The following ASIC1 variants were observed in gnomAD, a reference collection of about 807,000 sequenced individuals.
ASIC1 encodes the protein acid-sensing ion channel 1.
ASIC1 carries 21 observed loss-of-function variants against 63.4 expected under a neutral mutation model. The observed-to-expected ratio is 0.33, with a 90% CI of 0.23 to 0.48. The LOEUF is 0.48. ASIC1 is among the 20% of genes least tolerant of loss of function. The pLI, the probability that ASIC1 is intolerant of heterozygous loss-of-function variation, is 0.99. For synonymous variants in ASIC1, 258 were observed against 278.2 expected (o/e 0.93, Z 0.72); for missense variants, 478 against 695.5 (o/e 0.69, Z 3.52).
chr12:50,059,833 G>C lies in ASIC1; in HGVS notation c.437G>C (p.Ser146Thr), dbSNP rs752727617. ...EILQDKANFR[S>T]FKPKPFNMRE... ...CTGCAGGACAAAGCCAACTTCCGCA[G>C]CTTCAAACCCAAACCCTTCAACATG... is the stretch of plus-strand genomic sequence containing the variant. Residue 146 changes from serine to threonine, a missense_variant, in exon 3 of 12, where the codon AGC (serine) becomes ACC (threonine). Ser to Thr is a moderately conservative substitution (Grantham distance 58). Around this residue, in one of 3 missense-constraint regions of ASIC1, gnomAD observed 290 missense variants for 414.9 expected, o/e 0.70. Transcript: ENST00000447966. This position sits in a 1 kb window ranked among gnomAD's most constrained non-coding sequence, Gnocchi z 4.6. 3 of 1,614,088 alleles carry C rather than the reference G, an allele frequency of 1.9e-6. No individual in the cohort carries two copies. Among genetic ancestry groups the C allele is most frequent in the Admixed American group, 1.7e-5 (1 of 60,010 alleles).
At chr12:50,080,176 C>A in intron 8 of ASIC1, 121 bp downstream of exon 8, 1 of 1,377,480 alleles carries the variant, frequency 7.3e-7, no homozygotes, top group Non-Finnish European at 9.8e-7. Context: ...GGGGAAGGTC[C>A]AAAAGGCAAG....
intron 3 of ASIC1, among the ~76,000 whole-genome samples, chr12:50,068,659 T>C (rs1473457060): frequency 6.6e-6 from 1 of 151,620 alleles, no homozygotes. Context: ...AAAACCTGCA[T>C]GTGCAAAACC....
chr12:50,064,285 G>A (rs1183876200), intron 3 of ASIC1, among the ~76,000 whole-genome samples: 5 of 152,140 alleles, frequency 3.3e-5, no homozygotes, highest in African/African-American at 1.2e-4. Context: ...GGTGGAGAGA[G>A]GAGATGGGAG....
rs749854315 is a variant in ASIC1 at position 50,077,281 on chromosome 12, C to T, written c.627C>T (p.Thr209=). 2 of 1,613,996 alleles carry T rather than the reference C, an allele frequency of 1.2e-6. No individual in the cohort carries two copies. The highest frequency in any genetic ancestry group is 1.7e-6 in the Non-Finnish European group (2 of 1,180,010). ...GAGATGGGCGGCCGCGGCTGAAGAC[C>T]ATGAAGGGTGGGACGGGCAATGGGC... ...SGRDGRPRLK[T]MKGGTGNGLE... is the part of the protein sequence containing the mutation. Residue 209 remains threonine, a synonymous_variant, in exon 4 of 12, where the codon ACC becomes ACT. Coordinates refer to ENST00000447966, the MANE Select transcript of ASIC1 (RefSeq NM_001095.4).
chr12:50,072,260 G>A (rs756907098), intron 3 of ASIC1, among the ~76,000 whole-genome samples: 15 of 152,304 alleles, frequency 9.8e-5, no homozygotes, highest in African/African-American at 2.2e-4. Context: ...ACCTAGCCCC[G>A]GTCTAGCCCC....
At chr12:50,073,934 A>G (rs774326335) in intron 3 of ASIC1, 2 of 1,535,638 alleles carry the variant, frequency 1.3e-6, no homozygotes, top group South Asian at 2.4e-5. Flanking sequence ...TACCTCAGCT[A>G]CCCACACGTG....
rs1950675381 is a variant in ASIC1 at position 50,078,027 on chromosome 12, A to T, written c.737A>T (p.Lys246Ile). 1 of 1,613,806 alleles carries T rather than the reference A, an allele frequency of 6.2e-7. No individual in the cohort carries two copies. The highest frequency in any genetic ancestry group is 1.3e-5 in the African/African-American group (1 of 75,000). The change falls in exon 5 of 12, where the codon AAA becomes ATA. Residue 246 changes from lysine (K) to isoleucine (I), a missense_variant. Physicochemically the swap from Lys to Ile is moderately radical, Grantham distance 102. Coordinates refer to ENST00000447966, the MANE Select transcript of ASIC1 (RefSeq NM_001095.4). This position sits in a 1 kb window ranked among gnomAD's most constrained non-coding sequence, Gnocchi z 6.0. ...TDETSFEAGI[K>I]VQIHSQDEPP... is the part of the protein sequence containing the mutation. ...GAGACGTCCTTCGAAGCAGGCATCA[A>T]AGTGCAGATCCATAGTCAGGATGAA... is the stretch of plus-strand genomic sequence containing the variant.
Position 50,078,863 on chromosome 12 carries a change from T to G in ASIC1, c.995-61T>G. On this transcript the variant is annotated intron_variant, in intron 6 of 11. Coordinates refer to ENST00000447966, the MANE Select transcript of ASIC1 (RefSeq NM_001095.4). The surrounding 1 kb of genome is among the most constrained non-coding windows in gnomAD (Gnocchi z 6.0). Reference sequence around the variant, plus strand: ...CTTACACCTTCTAGGCCTTTGGTACTACCACCATCACCAGACCCCTTGAAT... The same window carrying G: ...CTTACACCTTCTAGGCCTTTGGTACGACCACCATCACCAGACCCCTTGAAT... 6.4e-7 allele frequency: 1 copy of G among 1,565,844 alleles called. No individual in the cohort carries two copies. Among genetic ancestry groups the G allele is most frequent in the African/African-American group, 1.4e-5 (1 of 74,002 alleles).
At position 50,081,697 on chromosome 12, in the gene ASIC1, A is replaced by G. The variant is rs1379801951; in HGVS notation, c.*48A>G. ...AGGCCTAGATGGGGAGGACTAGGAG[A>G]GCGAGGGGGCCCCCAGCTGCCTCCT... On this transcript the variant is annotated 3_prime_UTR_variant, in exon 12 of 12. Transcript: ENST00000447966. 2 of 1,580,946 alleles carry G rather than the reference A, an allele frequency of 1.3e-6. No homozygotes were observed. Among genetic ancestry groups the G allele is most frequent in the Non-Finnish European group, 1.7e-6 (2 of 1,160,730 alleles).
chr12:50,061,469 G>C (rs1434845979), intron 3 of ASIC1, among the ~76,000 whole-genome samples: 1 of 152,138 alleles, frequency 6.6e-6, no homozygotes, highest in Admixed American at 6.5e-5. Context: ...GGATTCCCCA[G>C]AGCTTGAGAC....
At chr12:50,076,299 T>G (rs753322446) in intron 3 of ASIC1, among the ~76,000 whole-genome samples, 3 of 152,084 alleles carry the variant, frequency 2.0e-5, no homozygotes, top group Non-Finnish European at 4.4e-5. Context: ...AAACCCCATC[T>G]CTACTAAAAA....
chr12:50,061,841 T>C (rs913853569), intron 3 of ASIC1, among the ~76,000 whole-genome samples: 1 of 152,210 alleles, frequency 6.6e-6, no homozygotes, highest in African/African-American at 2.4e-5. Flanking sequence ...CCATGCTGTC[T>C]GAGGGGACCA....
At chr12:50,071,266 C>CTTT (rs34556615) in intron 3 of ASIC1, among the ~76,000 whole-genome samples, 20 of 119,794 alleles carry the variant, frequency 1.7e-4, no homozygotes, top group Non-Finnish European at 2.7e-4. Flanking sequence ...TTGCTTTCAG[C>CTTT]TTTTTTTTTT....
chr12:50,078,153 C>G lies in ASIC1; in HGVS notation c.837+26C>G, dbSNP rs73299544. On this transcript the variant is annotated intron_variant, in intron 5 of 11. Transcript: ENST00000447966. The surrounding 1 kb of genome is among the most constrained non-coding windows in gnomAD (Gnocchi z 6.0). ...GTGAGAGGGCCATGGGAGGCTGGTC[C>G]TGGGGTGGGGTATTGAGGGGTCCAG... The G allele has an allele frequency of 6.2e-6, 10 of 1,604,938 alleles. No homozygotes were observed. The highest frequency in any genetic ancestry group is 6.8e-6 in the Non-Finnish European group (8 of 1,175,738).
chr12:50,073,572 GC>G (rs1950620515), intron 3 of ASIC1: 1 of 1,492,672 alleles, frequency 6.7e-7, no homozygotes, highest in South Asian at 1.3e-5. Flanking sequence ...GCACCAGGAA[GC>G]CCCTGGAGAA....
At position 50,083,516 on chromosome 12, in the gene ASIC1, C is replaced by G. The variant is rs952726750; in HGVS notation, c.*1867C>G. 1 of 152,736 alleles carries G rather than the reference C, an allele frequency of 6.5e-6. No homozygotes were observed. Among genetic ancestry groups the G allele is most frequent in the Non-Finnish European group, 1.5e-5 (1 of 68,108 alleles). 9.5% of individuals were successfully genotyped at this position (152,736 alleles called of 1,614,324 possible). ...GAGATCATACCTCCCCAGAGGGAAGCAGGAATGAGGCCAAAAAGTGTGCAT... is the reference window on the plus strand; with the variant it reads ...GAGATCATACCTCCCCAGAGGGAAGGAGGAATGAGGCCAAAAAGTGTGCAT... On this transcript the variant is annotated 3_prime_UTR_variant, in exon 12 of 12. Coordinates refer to ENST00000447966, the MANE Select transcript of ASIC1 (RefSeq NM_001095.4).
At chr12:50,077,743 AAAGTATTTGAAACATC>A (rs1249503514) in intron 4 of ASIC1, among the ~76,000 whole-genome samples, 6 of 152,114 alleles carry the variant, frequency 3.9e-5, no homozygotes, top group Non-Finnish European at 7.4e-5. Context: ...ACTCTGGGAG[AAAGTATTTGAAACATC>A]AAGATGCAGA....
chr12:50,080,480 C>G lies in ASIC1; in HGVS notation c.1206-18C>G, dbSNP rs760116617. On this transcript the variant is annotated intron_variant, in intron 8 of 11. Transcript: ENST00000447966. The stretch of plus-strand genomic sequence containing the variant: ...GATATGACTTGAACCTAGGTCTCCT[C>G]CCCCAATCCCTGTGCAGGGAGAACA... 10 of 1,611,944 alleles carry G rather than the reference C, an allele frequency of 6.2e-6. No homozygotes were observed. The Admixed American group carries it at 1.7e-4, about 27-fold the overall frequency.
intron 3 of ASIC1, among the ~76,000 whole-genome samples, chr12:50,064,349 C>T (rs1394747325): frequency 6.6e-6 from 1 of 152,138 alleles, no homozygotes; most frequent in African/African-American, 2.4e-5. Context: ...GTTGGGGTCT[C>T]AGATGTCTCC....
Sources: gnomAD v4.1 joint callset for allele counts (sites outside exome capture counted in the v4.1 genomes callset) on GRCh38, gnomAD v4.1.1 for gene constraint, gnomAD v4.1.1 regional missense constraint, Gnocchi (gnomAD v3.1) non-coding constraint, MANE v1.5 for transcripts, NCBI Gene and HGNC (gene_info 2026-07-23, HGNC 2026-07-21) for gene names.